The following NEK11 variants were observed in gnomAD, a reference collection of about 807,000 sequenced individuals.
NEK11 encodes the protein NIMA related kinase 11, also known as serine/threonine-protein kinase Nek11.
A neutral mutation model predicts 80.7 loss-of-function variants in NEK11; 72 were observed. That is an observed-to-expected ratio of 0.89 (90% CI 0.74 to 1.08). The LOEUF (loss-of-function observed/expected upper bound fraction) is 1.08. Among genes scored for constraint, NEK11 ranks in the 50% least tolerant of loss-of-function variants. The probability of loss-of-function intolerance (pLI) is 0.00; values close to 1 mark genes in which losing one functional copy is unlikely to be tolerated. For synonymous variants in NEK11, 251 were observed against 260.7 expected (o/e 0.96, Z 0.36); for missense variants, 764 against 763.6 (o/e 1.00, Z -0.01).
At chr3:131,312,859 A>G (rs995246914) in intron 17 of NEK11, among the ~76,000 whole-genome samples, 1 of 152,146 alleles carries the variant, frequency 6.6e-6, no homozygotes, top group Admixed American at 6.6e-5. Flanking sequence ...GTACATGTGC[A>G]GCTTTGTTAT....
intron 17 of NEK11, among the ~76,000 whole-genome samples, chr3:131,295,473 G>T (rs74374078): frequency 2.0e-4 from 30 of 152,136 alleles, no homozygotes; most frequent in South Asian, 8.3e-4. Flanking sequence ...CGTGTAGTAC[G>T]TTATCATGCG....
intron 3 of NEK11, among the ~76,000 whole-genome samples, chr3:131,070,815 C>T (rs911294909): frequency 1.3e-5 from 2 of 152,140 alleles, no homozygotes; most frequent in Non-Finnish European, 2.9e-5. Context: ...AATTGATGGT[C>T]TGTTTCCTCC....
At chr3:131,182,030 G>A (rs1264417808) in intron 14 of NEK11, among the ~76,000 whole-genome samples, 1 of 150,134 alleles carries the variant, frequency 6.7e-6, no homozygotes, top group East Asian at 1.9e-4. Context: ...ATTTTGTTTT[G>A]TGACATTAAG....
chr3:131,280,490 T>C (rs939649489), intron 17 of NEK11, among the ~76,000 whole-genome samples: 1 of 152,216 alleles, frequency 6.6e-6, no homozygotes, highest in African/African-American at 2.4e-5. Flanking sequence ...TCTCATTCAG[T>C]GTATGTTTAT....
At chr3:131,148,254 G>A (rs776675909) in intron 7 of NEK11, among the ~76,000 whole-genome samples, 17 of 151,600 alleles carry the variant, frequency 1.1e-4, no homozygotes, top group South Asian at 4.2e-4. Flanking sequence ...TTAATATGTC[G>A]TATTCTATTT....
At position 131,174,930 on chromosome 3, in the gene NEK11, C is replaced by T. The variant is rs909108417; in HGVS notation, c.1399+4043C>T. 2.1e-6 allele frequency: 3 copies of T among 1,428,550 alleles called. No homozygotes were observed. The African/African-American group carries it at 4.3e-5, about 21-fold the overall frequency. 88.5% of individuals were successfully genotyped at this position (1,428,550 alleles called of 1,614,324 possible). A position where few individuals can be genotyped will look rare whatever the true frequency, so the allele number is the denominator to read the frequency against. ...GCTTACCCACATCCTGACCAGCTGT[C>T]ACCTCTTCATTTCCTGTTCAGCCAC... is the stretch of plus-strand genomic sequence containing the variant. On this transcript the variant is annotated intron_variant, in intron 14 of 17. Transcript: ENST00000383366.
At chr3:131,250,826 G>T (rs1397252575) in intron 16 of NEK11, among the ~76,000 whole-genome samples, 2 of 152,036 alleles carry the variant, frequency 1.3e-5, no homozygotes, top group Non-Finnish European at 2.9e-5. Context: ...GTTTAGGGAT[G>T]AATTAGAAGT....
chr3:131,080,467 A>G lies in NEK11; in HGVS notation c.215A>G (p.Glu72Gly). 1 of 1,613,484 alleles carries G rather than the reference A, an allele frequency of 6.2e-7. No individual in the cohort carries two copies. The highest frequency in any genetic ancestry group is 8.5e-7 in the Non-Finnish European group (1 of 1,179,830). The change falls in exon 4 of 18, where the codon GAA (glutamate) becomes GGA (glycine). Residue 72 changes from glutamate (E) to glycine (G), a missense_variant. Glu to Gly is a moderately conservative substitution (Grantham distance 98). Coordinates refer to ENST00000383366, the MANE Select transcript of NEK11 (RefSeq NM_024800.5). Reference sequence around the variant, plus strand: ...TCTGTTGGAGAACTAAATCCAAATGAAACTGTACAGGCCAATTTGGAAGCC... The same window carrying G: ...TCTGTTGGAGAACTAAATCCAAATGGAACTGTACAGGCCAATTTGGAAGCC... ...EISVGELNPN[E>G]TVQANLEAQL...
chr3:131,277,186 T>G (rs534035439), intron 17 of NEK11, among the ~76,000 whole-genome samples: 1 of 152,232 alleles, frequency 6.6e-6, no homozygotes, highest in African/African-American at 2.4e-5. Context: ...TTCTGTAGAC[T>G]AATCAACCCA....
intron 17 of NEK11, among the ~76,000 whole-genome samples, 159 bp from the exon 18 acceptor site, chr3:131,349,398 T>C (rs2097420916): frequency 6.6e-6 from 1 of 152,204 alleles, no homozygotes; most frequent in Admixed American, 6.5e-5. Flanking sequence ...TGTTGAATAC[T>C]GTTAAATGTT....
At chr3:131,159,765 C>A (rs201921993) in intron 10 of NEK11, among the ~76,000 whole-genome samples, 4 of 150,320 alleles carry the variant, frequency 2.7e-5, no homozygotes, top group Admixed American at 6.6e-5. Flanking sequence ...ACTCCATCTC[C>A]AAAAAAAAAG....
At chr3:131,119,393 T>C (rs886950646) in intron 5 of NEK11, among the ~76,000 whole-genome samples, 2 of 152,176 alleles carry the variant, frequency 1.3e-5, no homozygotes, top group African/African-American at 4.8e-5. Flanking sequence ...CTTCCAACTA[T>C]GTGGTCAATT....
chr3:131,031,470 A>G (rs2064837241), intron 3 of NEK11, among the ~76,000 whole-genome samples: 1 of 152,232 alleles, frequency 6.6e-6, no homozygotes, highest in African/African-American at 2.4e-5. Context: ...ATCATATCCA[A>G]TTTTGGTTTC....
Position 131,056,568 on chromosome 3 carries a change from AC to A in NEK11, c.171-23851del, listed in dbSNP as rs2069542601. 2.6e-5 allele frequency among the ~76,000 whole-genome samples: 4 copies of A among 152,244 alleles called. No homozygotes were observed. In the South Asian group the frequency reaches 8.3e-4, roughly 32 times the overall value. Reference sequence around the variant, plus strand: ...ACTAGTGTTTATTCTTAACAGTGTTACCCCAAGATCAGAGTGCCTTCTTTCA... The same window carrying A: ...ACTAGTGTTTATTCTTAACAGTGTTACCCAAGATCAGAGTGCCTTCTTTCA... On this transcript the variant is annotated intron_variant, in intron 3 of 17. Transcript: ENST00000383366.
At chr3:131,206,626 C>A (rs1199972207) in intron 14 of NEK11, among the ~76,000 whole-genome samples, 2 of 152,150 alleles carry the variant, frequency 1.3e-5, no homozygotes, top group African/African-American at 2.4e-5. Context: ...AGAGGGCTAA[C>A]ATTACAGGTA....
intron 10 of NEK11, among the ~76,000 whole-genome samples, chr3:131,157,712 G>A (rs929561707): frequency 1.3e-5 from 2 of 152,146 alleles, no homozygotes; most frequent in Non-Finnish European, 2.9e-5. Context: ...GGCTGAAGGG[G>A]GAGGAAGGTG....
intron 10 of NEK11, among the ~76,000 whole-genome samples, chr3:131,155,891 CA>C (rs1304421049): frequency 6.6e-6 from 1 of 152,150 alleles, no homozygotes; most frequent in Non-Finnish European, 1.5e-5. Flanking sequence ...AGGAAATTTG[CA>C]TGATCTCCAG....
intron 14 of NEK11, chr3:131,174,868 T>A: frequency 6.4e-7 from 1 of 1,551,112 alleles, no homozygotes; most frequent in Admixed American, 2.1e-5. Context: ...TACCCCACCA[T>A]TCAGATGTGG....
At chr3:131,253,007 G>A (rs1216493183) in intron 16 of NEK11, among the ~76,000 whole-genome samples, 4 of 152,072 alleles carry the variant, frequency 2.6e-5, no homozygotes, top group African/African-American at 7.2e-5. Context: ...TGTGTGATGG[G>A]CTATCTGGCA....
Sources: gnomAD v4.1 joint callset for allele counts (sites outside exome capture counted in the v4.1 genomes callset) on GRCh38, gnomAD v4.1.1 for gene constraint, MANE v1.5 for transcripts, NCBI Gene and HGNC (gene_info 2026-07-23, HGNC 2026-07-21) for gene names.